Variants in ARPP21 observed in about 807,000 individuals in gnomAD.
The protein encoded by ARPP21 is cAMP regulated phosphoprotein 21.
Under a neutral mutation model 113.2 loss-of-function variants are expected in ARPP21, and 69 were observed. The ratio of observed to expected loss-of-function variants is 0.61; its 90% CI spans 0.50 to 0.74. The LOEUF (loss-of-function observed/expected upper bound fraction) is 0.74, where lower values mean the gene tolerates loss of function less well. Among genes scored for constraint, ARPP21 ranks in the 30% least tolerant of loss-of-function variants. The probability of loss-of-function intolerance (pLI) is 0.00; values close to 1 mark genes in which losing one functional copy is unlikely to be tolerated. For missense variants in ARPP21, 1,070 were observed against 1,037.4 expected (o/e 1.03, Z -0.43); for synonymous variants, 368 against 375.5 (o/e 0.98, Z 0.23).
At chr3:35,673,117 AC>A (rs773121367) in intron 1 of ARPP21, among the ~76,000 whole-genome samples, 4 of 152,056 alleles carry the variant, frequency 2.6e-5, no homozygotes, top group Non-Finnish European at 5.9e-5. Context: ...TAAGATGTTA[AC>A]ACAAAACTAT....
At chr3:35,736,150 T>C (rs997708423) in intron 15 of ARPP21, among the ~76,000 whole-genome samples, 11 of 152,308 alleles carry the variant, frequency 7.2e-5, no homozygotes, top group African/African-American at 2.4e-4. Context: ...ATAGGTTGCT[T>C]GGTCCCCCTG....
intron 13 of ARPP21, among the ~76,000 whole-genome samples, chr3:35,719,578 C>G (rs9824070): frequency 0.14 from 21,713 of 152,116 alleles, 1,644 homozygotes; most frequent in South Asian, 0.26. Flanking sequence ...CCTTCTTTAC[C>G]TAAAAGGCAC....
intron 1 of ARPP21, among the ~76,000 whole-genome samples, chr3:35,667,974 AG>A (rs1338924112): frequency 1.5e-5 from 2 of 136,928 alleles, no homozygotes; most frequent in African/African-American, 2.8e-5. Flanking sequence ...AAGAAGAAGA[AG>A]AAGAAGAAGA....
At chr3:35,708,460 A>G (rs900288084) in intron 10 of ARPP21, among the ~76,000 whole-genome samples, 1 of 152,208 alleles carries the variant, frequency 6.6e-6, no homozygotes, top group Non-Finnish European at 1.5e-5. Context: ...TTAGAAGATG[A>G]AGAAATAATG....
At chr3:35,703,941 C>T (rs1418774179) in intron 9 of ARPP21, among the ~76,000 whole-genome samples, 1 of 151,788 alleles carries the variant, frequency 6.6e-6, no homozygotes, top group Non-Finnish European at 1.5e-5. Flanking sequence ...ACCAGTAATA[C>T]CAGTAATTTT....
intron 1 of ARPP21, among the ~76,000 whole-genome samples, chr3:35,655,155 G>T (rs1453703876): frequency 6.6e-6 from 1 of 151,744 alleles, no homozygotes; most frequent in Non-Finnish European, 1.5e-5. Context: ...CCATGACAAG[G>T]AAATAAACTT....
At chr3:35,699,462 TA>T (rs1227192381) in intron 9 of ARPP21, among the ~76,000 whole-genome samples, 1 of 151,716 alleles carries the variant, frequency 6.6e-6, no homozygotes, top group Non-Finnish European at 1.5e-5. Context: ...TAACATGTTT[TA>T]ATGTTCAGTA....
At chr3:35,784,222 A>G (rs1021443808) in intron 19 of ARPP21, among the ~76,000 whole-genome samples, 4 of 152,262 alleles carry the variant, frequency 2.6e-5, no homozygotes, top group African/African-American at 9.6e-5. Context: ...AAAAATGTAC[A>G]TGAACTGAAA....
chr3:35,667,869 A>G (rs923693823), intron 1 of ARPP21, among the ~76,000 whole-genome samples: 1 of 133,216 alleles, frequency 7.5e-6, no homozygotes, highest in Non-Finnish European at 1.5e-5. Flanking sequence ...GAAGAAGAAG[A>G]AGAAGAAGAA....
intron 19 of ARPP21, among the ~76,000 whole-genome samples, chr3:35,779,464 C>G (rs193043953): frequency 6.6e-6 from 1 of 152,000 alleles, no homozygotes; most frequent in East Asian, 1.9e-4. Flanking sequence ...GTGTGTGATC[C>G]TGAACAAGAA....
At chr3:35,728,621 T>G (rs2093721154) in intron 14 of ARPP21, among the ~76,000 whole-genome samples, 1 of 152,078 alleles carries the variant, frequency 6.6e-6, no homozygotes, top group Non-Finnish European at 1.5e-5. Context: ...GTCAGATGGT[T>G]AGAAAAAGTC....
chr3:35,718,697 G>A (rs576650354), intron 13 of ARPP21, among the ~76,000 whole-genome samples: 28 of 152,008 alleles, frequency 1.8e-4, no homozygotes, highest in African/African-American at 5.1e-4. Context: ...TCCCTAGCCC[G>A]TGCAAAAAAG....
intron 4 of ARPP21, among the ~76,000 whole-genome samples, 187 bp from the exon 5 acceptor site, chr3:35,683,539 C>A (rs2079606495): frequency 6.6e-6 from 1 of 151,508 alleles, no homozygotes; most frequent in Admixed American, 6.6e-5. Context: ...TACTTCTATC[C>A]CCATCAATAC....
rs781643441 is a variant in ARPP21, at chr3:35,690,963, C to A, written c.644C>A (p.Thr215Lys). ...GGATTGGATCACAATGTGGATCAAA[C>A]AGGAAAATCTGTTATCATCAACAAG... ...YFGLDHNVDQ[T>K]GKSVIINKTS... is the part of the protein sequence containing the mutation. The change falls in exon 9 of 21, where the codon ACA becomes AAA. Residue 215 changes from threonine to lysine, a missense_variant. By Grantham distance (78) the Thr-to-Lys change is moderately conservative. Coordinates refer to ENST00000684406, the MANE Select transcript of ARPP21 (RefSeq NM_001385562.1). 2 of 1,610,704 alleles carry A rather than the reference C, an allele frequency of 1.2e-6. No individual in the cohort carries two copies. The highest frequency in any genetic ancestry group is 1.7e-4 in the Middle Eastern group (1 of 6,036).
chr3:35,718,376 A>G (rs1438497989), intron 13 of ARPP21, among the ~76,000 whole-genome samples: 2 of 152,198 alleles, frequency 1.3e-5, no homozygotes, highest in Non-Finnish European at 2.9e-5. Flanking sequence ...TTGAAGATTT[A>G]AGAAAATAAC....
intron 1 of ARPP21, among the ~76,000 whole-genome samples, chr3:35,664,814 T>C (rs1055435937): frequency 6.6e-6 from 1 of 152,092 alleles, no homozygotes; most frequent in Non-Finnish European, 1.5e-5. Context: ...TGCTGCCAAC[T>C]CCCAGCAGCT....
rs558289809 is a variant in ARPP21 at position 35,715,434 on chromosome 3, T to C, written c.898-5T>C. 1 of 1,612,918 alleles carries C rather than the reference T, an allele frequency of 6.2e-7. No homozygotes were observed. The highest frequency in any genetic ancestry group is 1.1e-5 in the South Asian group (1 of 90,982). ...CTGATCCAATGCCTTTTTTTTATTTTTCAGTCAGTTTGCTCCCAGGAAAGC... is the reference window on the plus strand; with the variant it reads ...CTGATCCAATGCCTTTTTTTTATTTCTCAGTCAGTTTGCTCCCAGGAAAGC... On this transcript the variant is annotated splice_polypyrimidine_tract_variant and splice_region_variant and intron_variant, in intron 11 of 20. Coordinates refer to ENST00000684406, the MANE Select transcript of ARPP21 (RefSeq NM_001385562.1).
intron 1 of ARPP21, among the ~76,000 whole-genome samples, chr3:35,644,869 A>G (rs958233611): frequency 1.3e-4 from 20 of 151,926 alleles, no homozygotes; most frequent in African/African-American, 1.7e-4. Context: ...CGATTTGCCC[A>G]AAGAAATGTC....
At chr3:35,716,288 G>T (rs768491493) in intron 12 of ARPP21, among the ~76,000 whole-genome samples, 1 of 151,986 alleles carries the variant, frequency 6.6e-6, no homozygotes, top group Non-Finnish European at 1.5e-5. Flanking sequence ...TAAATAAAGT[G>T]GTGGTTAATT....
Sources: gnomAD v4.1 joint callset for allele counts (sites outside exome capture counted in the v4.1 genomes callset) on GRCh38, gnomAD v4.1.1 for gene constraint, MANE v1.5 for transcripts, NCBI Gene and HGNC (gene_info 2026-07-23, HGNC 2026-07-21) for gene names.